The following ST6GALNAC3 variants were observed in gnomAD, a reference collection of about 807,000 sequenced individuals.
ST6GALNAC3 encodes the protein alpha-N-acetylgalactosaminide alpha-2,6-sialyltransferase 3.
ST6GALNAC3 carries 25 observed loss-of-function variants against 32.7 expected under a neutral mutation model. The observed-to-expected ratio is 0.76, with a 90% confidence interval of 0.56 to 1.07. The LOEUF (loss-of-function observed/expected upper bound fraction) is 1.07. Among genes scored for constraint, ST6GALNAC3 ranks in the 50% least tolerant of loss-of-function variants. The pLI, the probability that ST6GALNAC3 is intolerant of heterozygous loss-of-function variation, is 0.00. For synonymous variants in ST6GALNAC3, 129 were observed against 133.1 expected (o/e 0.97, Z 0.21); for missense variants, 355 against 382.4 (o/e 0.93, Z 0.60).
intron 3 of ST6GALNAC3, among the ~76,000 whole-genome samples, chr1:76,520,859 A>G (rs112494766): frequency 6.6e-6 from 1 of 152,144 alleles, no homozygotes; most frequent in Admixed American, 6.5e-5. Context: ...CACACATATA[A>G]ATTTTAAAAA....
chr1:76,392,053 G>T (rs1443867038), intron 2 of ST6GALNAC3, among the ~76,000 whole-genome samples: 1 of 152,104 alleles, frequency 6.6e-6, no homozygotes, highest in African/African-American at 2.4e-5. Flanking sequence ...TGTGGGTAGG[G>T]GGCTGTGCTG....
chr1:76,629,419 C>T lies in ST6GALNAC3; in HGVS notation c.*613C>T. 1 of 985,648 alleles carries T rather than the reference C, an allele frequency of 1.0e-6. No homozygotes were observed. Among genetic ancestry groups the T allele is most frequent in the Non-Finnish European group, 1.2e-6 (1 of 829,846 alleles). 61.1% of individuals were successfully genotyped at this position (985,648 alleles called of 1,614,324 possible). A position where few individuals can be genotyped will look rare whatever the true frequency, so the allele number is the denominator to read the frequency against. On this transcript the variant is annotated 3_prime_UTR_variant, in exon 5 of 5. Coordinates refer to ENST00000328299, the MANE Select transcript of ST6GALNAC3 (RefSeq NM_152996.4). Reference sequence around the variant, plus strand: ...ATGAAGATTTCATGGACATCCTACACTTCAGGATTACTTGACTATCTCAAA... The same window carrying T: ...ATGAAGATTTCATGGACATCCTACATTTCAGGATTACTTGACTATCTCAAA...
chr1:76,449,504 C>G (rs994529723), intron 3 of ST6GALNAC3, among the ~76,000 whole-genome samples: 5 of 152,182 alleles, frequency 3.3e-5, no homozygotes, highest in African/African-American at 1.2e-4. Flanking sequence ...TTCAACATAG[C>G]TGTATAAGTT....
At chr1:76,370,435 T>G (rs1650727272) in intron 2 of ST6GALNAC3, among the ~76,000 whole-genome samples, 1 of 152,192 alleles carries the variant, frequency 6.6e-6, no homozygotes, top group Non-Finnish European at 1.5e-5. Flanking sequence ...CAATGGTTAA[T>G]TCTCATTTGA....
chr1:76,175,403 G>T (rs1366770487), intron 1 of ST6GALNAC3, among the ~76,000 whole-genome samples: 1 of 152,006 alleles, frequency 6.6e-6, no homozygotes, highest in Non-Finnish European at 1.5e-5. Flanking sequence ...GATTTTTGAG[G>T]CTACGTATTA....
intron 2 of ST6GALNAC3, among the ~76,000 whole-genome samples, chr1:76,349,305 A>T (rs1015890875): frequency 6.6e-6 from 1 of 152,140 alleles, no homozygotes; most frequent in African/African-American, 2.4e-5. Context: ...TGTCTAGGGG[A>T]ATAAATTGGC....
rs12048250 is a variant in ST6GALNAC3, at chr1:76,449,581, C to G, written c.623+37164C>G. Among the ~76,000 whole-genome samples the G allele has an allele frequency of 1.5e-3, 236 of 152,310 alleles. 3 individuals carry two copies. In the East Asian group the frequency reaches 0.04, roughly 26 times the overall value. ...CATCCTCACCAGCATTTGATGTTGT[C>G]AGTCTTCTGGATTTAAGCAATTTTG... is the stretch of plus-strand genomic sequence containing the variant. On this transcript the variant is annotated intron_variant, in intron 3 of 4. Coordinates refer to ENST00000328299, the MANE Select transcript of ST6GALNAC3 (RefSeq NM_152996.4).
At position 76,617,360 on chromosome 1, in the gene ST6GALNAC3, C is replaced by CTT. The variant is rs564466397; in HGVS notation, c.624-10082_624-10081dup. On this transcript the variant is annotated intron_variant, in intron 3 of 4. Coordinates refer to ENST00000328299, the MANE Select transcript of ST6GALNAC3 (RefSeq NM_152996.4). ...TCAATATATTCCAACCTGTTACAAT[C>CTT]TTTTTTTTTTTAAGTCATAGGAAAG... Among the ~76,000 whole-genome samples, 43 of 147,720 alleles carry CTT rather than the reference C, an allele frequency of 2.9e-4. 1 individual carries two copies. Among genetic ancestry groups the CTT allele is most frequent in the Admixed American group, 5.4e-4 (8 of 14,728 alleles).
intron 3 of ST6GALNAC3, among the ~76,000 whole-genome samples, chr1:76,424,601 G>T (rs1433229191): frequency 6.6e-5 from 10 of 151,878 alleles, no homozygotes. Flanking sequence ...AGGAAATGTG[G>T]CTCTCACTTC....
chr1:76,541,189 G>A (rs1663965531), intron 3 of ST6GALNAC3, among the ~76,000 whole-genome samples: 1 of 152,080 alleles, frequency 6.6e-6, no homozygotes, highest in Non-Finnish European at 1.5e-5. Flanking sequence ...TCTAGAAGTC[G>A]GATTACAGAA....
chr1:76,520,796 C>T (rs567759303), intron 3 of ST6GALNAC3, among the ~76,000 whole-genome samples: 1 of 152,040 alleles, frequency 6.6e-6, no homozygotes, highest in Non-Finnish European at 1.5e-5. Context: ...ATAGCCATAC[C>T]AGTTTTATTT....
chr1:76,333,289 C>G (rs2100966835), intron 2 of ST6GALNAC3, among the ~76,000 whole-genome samples: 1 of 152,092 alleles, frequency 6.6e-6, no homozygotes, highest in East Asian at 1.9e-4. Context: ...TTGGAAAGTT[C>G]AAAGGAAGAT....
chr1:76,235,335 A>G (rs1050465986), intron 1 of ST6GALNAC3, among the ~76,000 whole-genome samples: 2 of 151,906 alleles, frequency 1.3e-5, no homozygotes, highest in African/African-American at 4.8e-5. Flanking sequence ...GTGAGAACCC[A>G]TCTCTACAAA....
intron 3 of ST6GALNAC3, among the ~76,000 whole-genome samples, chr1:76,521,313 G>T (rs961885797): frequency 6.6e-6 from 1 of 150,940 alleles, no homozygotes; most frequent in African/African-American, 2.4e-5. Context: ...ACACACACGC[G>T]CGTACATACA....
chr1:76,609,524 G>T (rs1042924794), intron 3 of ST6GALNAC3, among the ~76,000 whole-genome samples: 3 of 152,006 alleles, frequency 2.0e-5, no homozygotes, highest in Non-Finnish European at 4.4e-5. Flanking sequence ...TTCTTTAAAT[G>T]GCTAATACCA....
intron 3 of ST6GALNAC3, among the ~76,000 whole-genome samples, chr1:76,557,197 C>T (rs1664979639): frequency 6.6e-6 from 1 of 151,916 alleles, no homozygotes; most frequent in Non-Finnish European, 1.5e-5. Flanking sequence ...GATATATATT[C>T]TTATTTTGGG....
intron 3 of ST6GALNAC3, among the ~76,000 whole-genome samples, chr1:76,618,148 G>A (rs550997008): frequency 6.6e-6 from 1 of 152,264 alleles, no homozygotes; most frequent in South Asian, 2.1e-4. Context: ...CGCCTACCTA[G>A]ACCAATCCTC....
At chr1:76,278,520 T>A (rs1478806439) in intron 1 of ST6GALNAC3, among the ~76,000 whole-genome samples, 4 of 152,148 alleles carry the variant, frequency 2.6e-5, no homozygotes, top group Non-Finnish European at 4.4e-5. Context: ...TTCTTTTTTT[T>A]AATGGATTTC....
intron 2 of ST6GALNAC3, among the ~76,000 whole-genome samples, chr1:76,323,002 A>C (rs564749226): frequency 4.6e-5 from 7 of 152,198 alleles, no homozygotes; most frequent in South Asian, 2.1e-4. Context: ...CACCATGCCC[A>C]AAAATTTTGT....
Sources: allele counts gnomAD v4.1 joint callset (sites outside exome capture counted in the v4.1 genomes callset), GRCh38; gene constraint gnomAD v4.1.1; transcripts MANE v1.5; gene names NCBI Gene and HGNC (gene_info 2026-07-23, HGNC 2026-07-21).